The following CCDC159 variants were observed in gnomAD, a reference collection of about 807,000 sequenced individuals.
CCDC159 encodes coiled-coil domain-containing protein 159.
A neutral mutation model predicts 50.9 loss-of-function variants in CCDC159; 40 were observed. The observed-to-expected ratio is 0.79, with a 90% CI of 0.61 to 1.02. CCDC159 has a LOEUF of 1.02. CCDC159 is among the 50% of genes least tolerant of loss of function. The pLI is 0.00. For missense variants in CCDC159, 356 were observed against 371.5 expected (o/e 0.96, Z 0.34); for synonymous variants, 146 against 138.9 (o/e 1.05, Z -0.36).
chr19:11,348,265 T>C (rs1967377888), intron 1 of CCDC159: 4 of 408,376 alleles, frequency 9.8e-6, no homozygotes, highest in Middle Eastern at 5.3e-4. Context: ...GCCCAAACCT[T>C]GGGGCTGGGA....
intron 9 of CCDC159, among the ~76,000 whole-genome samples, chr19:11,354,357 T>A (rs1356564190): frequency 4.0e-5 from 6 of 151,754 alleles, no homozygotes; most frequent in Non-Finnish European, 7.4e-5. Flanking sequence ...GCCACTGCAC[T>A]CCAGTCTGGG....
In CCDC159 at chr19:11,350,189, G is replaced by A. The variant is rs781585888; in HGVS notation, c.216G>A (p.Gln72=). The part of the protein sequence containing the change: ...KESCLQQIKI[Q]QLEEVLSPTG... Reference sequence around the variant, plus strand: ...GCTGCTTGCAGCAAATCAAGATTCAGCAGCTTGAAGGTGAGGACTGACCAG... The same window carrying A: ...GCTGCTTGCAGCAAATCAAGATTCAACAGCTTGAAGGTGAGGACTGACCAG... The change falls in exon 4 of 11, where the codon CAG becomes CAA. Residue 72 remains glutamine (Q), a synonymous_variant. Transcript: ENST00000458408. 1.4e-5 allele frequency: 22 copies of A among 1,610,804 alleles called. No individual in the cohort carries two copies. The African/African-American group carries it at 1.5e-4, about 11-fold the overall frequency.
chr19:11,354,576 G>A lies in CCDC159; in HGVS notation c.773-4G>A. 1.3e-6 allele frequency: 2 copies of A among 1,577,656 alleles called. No individual in the cohort carries two copies. Among genetic ancestry groups the A allele is most frequent in the South Asian group, 1.2e-5 (1 of 86,156 alleles). On this transcript the variant is annotated splice_region_variant and splice_polypyrimidine_tract_variant and intron_variant, in intron 9 of 10. Coordinates refer to ENST00000458408, the MANE Select transcript of CCDC159 (RefSeq NM_001080503.3). The stretch of plus-strand genomic sequence containing the variant: ...CACATTCAGGGAACCTGTCCCTCCT[G>A]CAGGCCACAAGGGGCACCAGTGCCT...
At chr19:11,346,649 G>C (rs1967247217) in intron 1 of CCDC159, 22 bp downstream of exon 1, 2 of 1,550,890 alleles carry the variant, frequency 1.3e-6, no homozygotes, top group African/African-American at 2.7e-5. Context: ...GTGGGGTTCT[G>C]GAGCCTGGCG....
At chr19:11,351,784 A>C in intron 5 of CCDC159, 122 bp from the exon 6 acceptor site, 1 of 748,622 alleles carries the variant, frequency 1.3e-6, no homozygotes, top group Non-Finnish European at 2.2e-6. Context: ...AGGGGAGGGG[A>C]AAAGGGCAGG....
chr19:11,348,256 C>T (rs1333028355), intron 1 of CCDC159: 1 of 415,522 alleles, frequency 2.4e-6, no homozygotes, highest in Non-Finnish European at 4.7e-6. Context: ...CACTGCCCAG[C>T]CCAAACCTTG....
At chr19:11,354,802 G>T in intron 10 of CCDC159, 71 bp from the exon 11 acceptor site, 1 of 1,611,830 alleles carries the variant, frequency 6.2e-7, no homozygotes, top group Non-Finnish European at 8.5e-7. Flanking sequence ...ATCTGGGCAT[G>T]CGGTCCCTGA....
At chr19:11,347,894 T>A (rs1319499721) in intron 1 of CCDC159, among the ~76,000 whole-genome samples, 4 of 152,218 alleles carry the variant, frequency 2.6e-5, no homozygotes, top group Non-Finnish European at 5.9e-5. Context: ...CAGCCTCTTC[T>A]AGCACGGGTC....
chr19:11,346,574 C>A lies in CCDC159; in HGVS notation c.-33C>A. ...GTGTCCCCGCGGGATCAAACTTCAGCGTCACAGCTGAGGACTGGCTTCGTG... is the reference window on the plus strand; with the variant it reads ...GTGTCCCCGCGGGATCAAACTTCAGAGTCACAGCTGAGGACTGGCTTCGTG... On this transcript the variant is annotated 5_prime_UTR_variant, in exon 1 of 11. Coordinates refer to ENST00000458408, the MANE Select transcript of CCDC159 (RefSeq NM_001080503.3). The A allele has an allele frequency of 6.4e-7, 1 of 1,551,326 alleles. No homozygotes were observed. The highest frequency in any genetic ancestry group is 8.7e-7 in the Non-Finnish European group (1 of 1,146,700).
chr19:11,350,983 G>C lies in CCDC159; in HGVS notation c.402G>C (p.Leu134=). 1 of 1,552,468 alleles carries C rather than the reference G, an allele frequency of 6.4e-7. No homozygotes were observed. The change falls in exon 5 of 11, where the codon CTG becomes CTC. Residue 134 remains leucine, a synonymous_variant. Transcript: ENST00000458408. ...GCACCACTCGCTGCCTGCAGCTGCT[G>C]GCCCAGGAGATCCGGGACAGGTCGG... ...RARTTRCLQL[L]AQEIRDSKKF...
In CCDC159 at chr19:11,350,797, ACT is replaced by A; in HGVS notation, c.227-6_227-5del. 1.3e-6 allele frequency: 2 copies of A among 1,539,906 alleles called. No homozygotes were observed. Among genetic ancestry groups the A allele is most frequent in the Non-Finnish European group, 1.8e-6 (2 of 1,142,556 alleles). ...GATCAGGGCTCAGTCAAGGTCCCAC[ACT>A]CTCTGCAGAGGTGCTGAGCCCCACA... On this transcript the variant is annotated splice_polypyrimidine_tract_variant and intron_variant, in intron 4 of 10. Coordinates refer to ENST00000458408, the MANE Select transcript of CCDC159 (RefSeq NM_001080503.3).
Position 11,352,120 on chromosome 19 carries a change from T to A in CCDC159, c.554T>A (p.Val185Glu), listed in dbSNP as rs745378878. The A allele has an allele frequency of 6.2e-7, 1 of 1,612,880 alleles. No homozygotes were observed. Among genetic ancestry groups the A allele is most frequent in the African/African-American group, 1.3e-5 (1 of 74,612 alleles). ...VNIQKMQKTQ[V>E]KCRKILTKMK... The stretch of plus-strand genomic sequence containing the variant: ...ATTCAGAAAATGCAGAAAACGCAGG[T>A]GAAATGCCGCAAAGTGAGTGGAGGA... The change falls in exon 7 of 11, where the codon GTG (valine) becomes GAG (glutamate). Residue 185 changes from valine to glutamate, a missense_variant. Physicochemically the swap from Val to Glu is moderately radical, Grantham distance 121. Transcript: ENST00000458408.
chr19:11,353,688 C>A, intron 8 of CCDC159, 104 bp from the exon 9 acceptor site: 2 of 1,556,454 alleles, frequency 1.3e-6, no homozygotes, highest in East Asian at 2.3e-5. Context: ...TCCCTCACCC[C>A]CTAGGACTCA....
rs767992542 is a variant in CCDC159 at position 11,354,708 on chromosome 19, C to T, written c.889+12C>T. On this transcript the variant is annotated intron_variant, in intron 10 of 10. Transcript: ENST00000458408. ...CTCCTTCCCACCCGGTGCAGATCCT[C>T]CCCAGTCCCCCCCTCCACCCATTTC... 4.4e-6 allele frequency: 7 copies of T among 1,605,552 alleles called. No individual in the cohort carries two copies. The Admixed American group carries it at 8.5e-5, about 20-fold the overall frequency.
chr19:11,348,766 G>A lies in CCDC159; in HGVS notation c.22-888G>A, dbSNP rs747979705. ...TACTCACAGCGACCCTCTTTTGGCC[G>A]GCCTACCCCGGGACCCTGACTACTC... On this transcript the variant is annotated intron_variant, in intron 1 of 10. Coordinates refer to ENST00000458408, the MANE Select transcript of CCDC159 (RefSeq NM_001080503.3). The A allele has an allele frequency of 1.9e-5, 10 of 518,018 alleles. 1 individual carries two copies. Among genetic ancestry groups the A allele is most frequent in the African/African-American group, 7.7e-5 (4 of 51,868 alleles). 32.1% of individuals were successfully genotyped at this position (518,018 alleles called of 1,614,324 possible). A position where few individuals can be genotyped will look rare whatever the true frequency, so the allele number is the denominator to read the frequency against.
At chr19:11,349,576 C>T (rs1599381335) in intron 1 of CCDC159, 78 bp from the exon 2 acceptor site, 2 of 1,578,778 alleles carry the variant, frequency 1.3e-6, no homozygotes, top group East Asian at 2.3e-5. Flanking sequence ...TCTTGTCCAG[C>T]CCTCAAAACT....
chr19:11,350,672 A>G, intron 4 of CCDC159, 136 bp from the exon 5 acceptor site: 1 of 800,726 alleles, frequency 1.2e-6, no homozygotes. Flanking sequence ...GTCAGGCTGG[A>G]AGCTGGTCCT....
chr19:11,350,860 C>A lies in CCDC159; in HGVS notation c.279C>A (p.Gly93=). The change falls in exon 5 of 11, where the codon GGC becomes GGA. Residue 93 remains glycine, a synonymous_variant. Coordinates refer to ENST00000458408, the MANE Select transcript of CCDC159 (RefSeq NM_001080503.3). ...GAGAGAAGGAGGAGCACAAGTGGGGCATGGAGCAGGGCCGGCAGGAGCTGT... is the reference window on the plus strand; with the variant it reads ...GAGAGAAGGAGGAGCACAAGTGGGGAATGGAGCAGGGCCGGCAGGAGCTGT... ...RQGEKEEHKW[G]MEQGRQELYG... is the part of the protein sequence containing the mutation. 6.4e-7 allele frequency: 1 copy of A among 1,551,718 alleles called. No homozygotes were observed.
Position 11,350,985 on chromosome 19 carries a change from C to A in CCDC159, c.404C>A (p.Ala135Asp). The A allele has an allele frequency of 6.4e-7, 1 of 1,551,272 alleles. No homozygotes were observed. Residue 135 changes from alanine to aspartate, a missense_variant, in exon 5 of 11, where the codon GCC becomes GAC. Ala to Asp is a moderately radical substitution (Grantham distance 126). Coordinates refer to ENST00000458408, the MANE Select transcript of CCDC159 (RefSeq NM_001080503.3). ...ARTTRCLQLLAQEIRDSKKFL... is the reference protein window; with the variant it reads ...ARTTRCLQLLDQEIRDSKKFL... The stretch of plus-strand genomic sequence containing the variant: ...ACCACTCGCTGCCTGCAGCTGCTGG[C>A]CCAGGAGATCCGGGACAGGTCGGGG...
Sources: allele counts gnomAD v4.1 joint callset (sites outside exome capture counted in the v4.1 genomes callset), GRCh38; gene constraint gnomAD v4.1.1; transcripts MANE v1.5; gene names NCBI Gene and HGNC (gene_info 2026-07-23, HGNC 2026-07-21).